CACNA2D3: variants seen among roughly 807,000 people sequenced by gnomAD.
CACNA2D3 encodes the protein calcium voltage-gated channel auxiliary subunit alpha2delta 3.
Under a neutral mutation model 160.6 loss-of-function variants are expected in CACNA2D3, and 60 were observed. That is an observed-to-expected ratio of 0.37 (90% CI 0.30 to 0.46). The LOEUF is 0.46. CACNA2D3 is among the 20% of genes least tolerant of loss of function. The pLI, the probability that CACNA2D3 is intolerant of heterozygous loss-of-function variation, is 1.00. For synonymous variants in CACNA2D3, 558 were observed against 492.9 expected (o/e 1.13, Z -1.75); for missense variants, 1,205 against 1,365.0 (o/e 0.88, Z 1.85).
Position 54,945,707 on chromosome 3 carries a change from A to G in CACNA2D3, c.2450-22743A>G, listed in dbSNP as rs141129294. 2.3e-3 allele frequency among the ~76,000 whole-genome samples: 354 copies of G among 152,302 alleles called. 2 individuals carry two copies. Among genetic ancestry groups the G allele is most frequent in the African/African-American group, 8.0e-3 (333 of 41,566 alleles). ...AATGCAGGTTTGACAGTGGTTCCCT[A>G]TCACTACCCCATTAGGTGTCTATAG... On this transcript the variant is annotated intron_variant, in intron 27 of 37. Transcript: ENST00000474759.
At chr3:54,543,338 A>G (rs1702011468) in intron 5 of CACNA2D3, among the ~76,000 whole-genome samples, 1 of 152,204 alleles carries the variant, frequency 6.6e-6, no homozygotes, top group South Asian at 2.1e-4. Context: ...GTTTCACATC[A>G]GGATTTTAAC....
chr3:54,666,881 T>C (rs1039732736), intron 11 of CACNA2D3, among the ~76,000 whole-genome samples: 2 of 152,182 alleles, frequency 1.3e-5, no homozygotes, highest in African/African-American at 2.4e-5. Flanking sequence ...AATTCCTCTG[T>C]CTGGCTCGTC....
At chr3:54,522,046 T>C (rs1701654049) in intron 5 of CACNA2D3, among the ~76,000 whole-genome samples, 1 of 152,226 alleles carries the variant, frequency 6.6e-6, no homozygotes, top group African/African-American at 2.4e-5. Flanking sequence ...CTACATGTAT[T>C]TTAGAATCAG....
chr3:54,533,801 GT>G (rs1283461826), intron 5 of CACNA2D3, among the ~76,000 whole-genome samples: 1 of 20,556 alleles, frequency 4.9e-5, no homozygotes, highest in African/African-American at 4.8e-4. Flanking sequence ...AATAGTGTGT[GT>G]GTGTGTGTGT....
chr3:54,236,798 C>T (rs914180849), intron 2 of CACNA2D3, among the ~76,000 whole-genome samples: 1 of 152,064 alleles, frequency 6.6e-6, no homozygotes, highest in Non-Finnish European at 1.5e-5. Context: ...GCCATAACTG[C>T]CAAGAGATTC....
chr3:54,273,416 C>T (rs1702662406), intron 2 of CACNA2D3, among the ~76,000 whole-genome samples: 1 of 152,192 alleles, frequency 6.6e-6, no homozygotes, highest in South Asian at 2.1e-4. Context: ...CCTCTGATCC[C>T]ATTCTAGCTT....
intron 3 of CACNA2D3, among the ~76,000 whole-genome samples, chr3:54,372,687 T>C (rs1262775015): frequency 2.0e-5 from 3 of 152,190 alleles, no homozygotes; most frequent in Non-Finnish European, 4.4e-5. Flanking sequence ...ATAATTAGGG[T>C]TGACAAAGGA....
chr3:54,284,759 G>A (rs891744907), intron 2 of CACNA2D3, among the ~76,000 whole-genome samples: 28 of 152,114 alleles, frequency 1.8e-4, no homozygotes, highest in African/African-American at 6.5e-4. Flanking sequence ...GATCAGAGAC[G>A]GATATTCATT....
rs138305941 is a variant in CACNA2D3, at chr3:54,995,575, G to C, written c.2690+7822G>C. 5.6e-3 allele frequency among the ~76,000 whole-genome samples: 856 copies of C among 152,284 alleles called. 6 individuals are homozygous for C. The highest frequency in any genetic ancestry group is 0.02 in the African/African-American group (814 of 41,558). ...TGCAATTCAGGCTTGCAAAAGAAGAGTTCAGGGAGTTCCAAAAGCTCCAAA... is the reference window on the plus strand; with the variant it reads ...TGCAATTCAGGCTTGCAAAAGAAGACTTCAGGGAGTTCCAAAAGCTCCAAA... On this transcript the variant is annotated intron_variant, in intron 31 of 37. Transcript: ENST00000474759.
intron 29 of CACNA2D3, among the ~76,000 whole-genome samples, chr3:54,972,464 A>G (rs1318309501): frequency 6.6e-6 from 1 of 152,192 alleles, no homozygotes; most frequent in African/African-American, 2.4e-5. Context: ...ACTTTTAATT[A>G]GGCATATGAG....
At chr3:54,820,138 C>T (rs565736212) in intron 14 of CACNA2D3, among the ~76,000 whole-genome samples, 15 of 152,242 alleles carry the variant, frequency 9.9e-5, no homozygotes, top group African/African-American at 2.6e-4. Context: ...AGGTCATGAG[C>T]GCATACGTTG....
At chr3:54,344,800 G>T (rs1360882813) in intron 3 of CACNA2D3, among the ~76,000 whole-genome samples, 1 of 152,084 alleles carries the variant, frequency 6.6e-6, no homozygotes, top group Admixed American at 6.5e-5. Context: ...AAACCTACTG[G>T]GCTGCATTCC....
At chr3:54,850,330 G>A (rs1400618941) in intron 17 of CACNA2D3, among the ~76,000 whole-genome samples, 1 of 152,196 alleles carries the variant, frequency 6.6e-6, no homozygotes, top group Non-Finnish European at 1.5e-5. Flanking sequence ...ACAACAGCAC[G>A]TAGCAAGAGT....
chr3:54,476,385 C>CT (rs1360039197), intron 4 of CACNA2D3, among the ~76,000 whole-genome samples: 1 of 151,820 alleles, frequency 6.6e-6, no homozygotes, highest in Non-Finnish European at 1.5e-5. Context: ...GCAGCTGTCT[C>CT]TTTGAGATAG....
intron 27 of CACNA2D3, among the ~76,000 whole-genome samples, chr3:54,926,787 AT>A (rs570371884): frequency 9.7e-4 from 147 of 152,128 alleles, no homozygotes; most frequent in Non-Finnish European, 1.3e-3. Flanking sequence ...TTTTTTCTTC[AT>A]TCTAAATGAT....
intron 9 of CACNA2D3, among the ~76,000 whole-genome samples, chr3:54,589,360 A>G (rs866835216): frequency 1.3e-5 from 2 of 152,266 alleles, no homozygotes; most frequent in Middle Eastern, 3.4e-3. Flanking sequence ...CCTTGACTCA[A>G]ACCTCACAAC....
intron 3 of CACNA2D3, among the ~76,000 whole-genome samples, chr3:54,342,581 A>G (rs1158849421): frequency 6.6e-6 from 1 of 152,164 alleles, no homozygotes; most frequent in Non-Finnish European, 1.5e-5. Flanking sequence ...TGTGAAGCTG[A>G]TGCTTCAGAG....
rs62967361 is a variant in CACNA2D3 at position 54,386,694 on chromosome 3, GTT to G, written c.322-4_322-3del. The G allele has an allele frequency of 0.024, 32,062 of 1,335,220 alleles. No individual in the cohort carries two copies. The highest frequency in any genetic ancestry group is 0.038 in the South Asian group (2,494 of 65,752). The allele number at this position is 1,335,220 out of a possible 1,614,324, so 82.7% of individuals were successfully genotyped here. ...ATTCTGATCCTTAATGCTGTCTTCTGTTTTTTTTTTTTTTTTTTAGCGTCTGG... is the reference window on the plus strand; with the variant it reads ...ATTCTGATCCTTAATGCTGTCTTCTGTTTTTTTTTTTTTTTTAGCGTCTGG... On this transcript the variant is annotated intron_variant, in intron 3 of 37. Coordinates refer to ENST00000474759, the MANE Select transcript of CACNA2D3 (RefSeq NM_018398.3).
chr3:54,148,117 A>G (rs1330957263), intron 2 of CACNA2D3, among the ~76,000 whole-genome samples: 1 of 152,228 alleles, frequency 6.6e-6, no homozygotes, highest in Non-Finnish European at 1.5e-5. Context: ...TTTTTATGCC[A>G]CTGGCTTCCG....
Sources: gnomAD v4.1 joint callset for allele counts (sites outside exome capture counted in the v4.1 genomes callset) on GRCh38, gnomAD v4.1.1 for gene constraint, MANE v1.5 for transcripts, NCBI Gene and HGNC (gene_info 2026-07-23, HGNC 2026-07-21) for gene names.